Variants in RPL23A observed in about 807,000 individuals in gnomAD.
RPL23A encodes large ribosomal subunit protein uL23.
A neutral mutation model predicts 17.6 loss-of-function variants in RPL23A; 2 were observed. That is an observed-to-expected ratio of 0.11 (90% CI 0.05 to 0.36). The LOEUF is 0.36. Among genes scored for constraint, RPL23A ranks in the 10% least tolerant of loss-of-function variants. The pLI is 1.00. For synonymous variants in RPL23A, 65 were observed against 74.3 expected, an observed-to-expected ratio of 0.87 and a Z score of 0.65; for missense variants, 132 against 194.4, an observed-to-expected ratio of 0.68 and a Z score of 1.91.
chr17:28,722,506 G>T (rs2151724821), intron 2 of RPL23A: 1 of 702,604 alleles, frequency 1.4e-6, no homozygotes, highest in Non-Finnish European at 2.7e-6. Context: ...ACTTGAGGTT[G>T]TAAGAGCCCT....
rs1434122227 is a variant in RPL23A at position 28,722,789 on chromosome 17, C to T, written c.276C>T (p.Asp92=). Residue 92 remains aspartate, a synonymous_variant, in exon 3 of 5, where the codon GAC becomes GAT. Coordinates refer to ENST00000422514, the MANE Select transcript of RPL23A (RefSeq NM_000984.6). ...AGTCTGCCATGAAGAAGATAGAAGA[C>T]AACAACACACTTGTGTTCATTGTGG... ...TTESAMKKIE[D]NNTLVFIVDV... is the part of the protein sequence containing the mutation. 6.2e-7 allele frequency: 1 copy of T among 1,612,934 alleles called. No individual in the cohort carries two copies. The highest frequency in any genetic ancestry group is 1.3e-5 in the African/African-American group (1 of 74,876).
At chr17:28,720,404 C>G (rs553328747) in intron 1 of RPL23A, 2 of 1,592,782 alleles carry the variant, frequency 1.3e-6, no homozygotes, top group African/African-American at 1.3e-5. Flanking sequence ...ACCCGCCCCT[C>G]TCTCCGCAGC....
At chr17:28,723,069 T>G (rs541990324) in intron 3 of RPL23A, among the ~76,000 whole-genome samples, 170 bp downstream of exon 3, 3 of 150,676 alleles carry the variant, frequency 2.0e-5, no homozygotes, top group East Asian at 1.9e-4. Flanking sequence ...CACCCATGAT[T>G]GCCCCATTGT....
intron 3 of RPL23A, among the ~76,000 whole-genome samples, chr17:28,723,103 A>G (rs1183323460): frequency 6.7e-6 from 1 of 149,342 alleles, no homozygotes; most frequent in Non-Finnish European, 1.5e-5. Context: ...CAACCAAGCA[A>G]GGCCCTTTTT....
intron 1 of RPL23A, chr17:28,720,247 C>CATCATCCGCCAGGG (rs2034087086): frequency 6.5e-7 from 1 of 1,540,786 alleles, no homozygotes; most frequent in Admixed American, 2.0e-5. Flanking sequence ...ACGCGGCAGG[C>CATCATCCGCCAGGG]ATCATCCGCC....
Position 28,720,176 on chromosome 17 carries a change from G to A in RPL23A, c.25+146G>A, listed in dbSNP as rs142109717. 3.3e-5 allele frequency: 51 copies of A among 1,524,682 alleles called. No homozygotes were observed. The East Asian group carries it at 1.3e-3, about 38-fold the overall frequency. The allele number at this position is 1,524,682 out of a possible 1,614,324, so 94.4% of individuals were successfully genotyped here. A position where few individuals can be genotyped will look rare whatever the true frequency, so the allele number is the denominator to read the frequency against. On this transcript the variant is annotated intron_variant, in intron 1 of 4. Coordinates refer to ENST00000422514, the MANE Select transcript of RPL23A (RefSeq NM_000984.6). Reference sequence around the variant, plus strand: ...GCGTTTCGGACACGCTGCAGTATACGTGGGCCGCGTGGGCCCAGCCTCGTG... The same window carrying A: ...GCGTTTCGGACACGCTGCAGTATACATGGGCCGCGTGGGCCCAGCCTCGTG...
rs573745975 is a variant in RPL23A at position 28,720,331 on chromosome 17, A to G, written c.25+301A>G. ...TGGAGCTCCATGTCCCCGGGCCTGT[A>G]AGGAATTAGTGCCCTCAGCTTTAAC... is the stretch of plus-strand genomic sequence containing the variant. On this transcript the variant is annotated intron_variant, in intron 1 of 4. Coordinates refer to ENST00000422514, the MANE Select transcript of RPL23A (RefSeq NM_000984.6). 2.2e-5 allele frequency: 34 copies of G among 1,551,090 alleles called. No homozygotes were observed. The East Asian group carries it at 7.1e-4, about 32-fold the overall frequency.
intron 1 of RPL23A, 178 bp downstream of exon 1, chr17:28,720,208 G>A: frequency 1.3e-6 from 2 of 1,536,482 alleles, no homozygotes; most frequent in Non-Finnish European, 1.8e-6. Context: ...CGTGGGCTGA[G>A]TTCCGGTAGA....
chr17:28,721,485 A>G (rs940698078), intron 2 of RPL23A: 1 of 153,584 alleles, frequency 6.5e-6, no homozygotes, highest in Non-Finnish European at 1.4e-5. Flanking sequence ...CATAGCTCCT[A>G]CTGCTATCGG....
At position 28,724,261 on chromosome 17, in the gene RPL23A, G is replaced by A. The variant is rs997877041; in HGVS notation, c.*380G>A. On this transcript the variant is annotated 3_prime_UTR_variant, in exon 5 of 5. Transcript: ENST00000422514. ...GGGAGTGTGGATTGGCTGGCTCTCTGGTAGCATTTTGTCCTCACACACCCA... is the reference window on the plus strand; with the variant it reads ...GGGAGTGTGGATTGGCTGGCTCTCTAGTAGCATTTTGTCCTCACACACCCA... 54 of 561,838 alleles carry A rather than the reference G, an allele frequency of 9.6e-5. No homozygotes were observed. Among genetic ancestry groups the A allele is most frequent in the Non-Finnish European group, 1.6e-4 (51 of 318,054 alleles). The allele number at this position is 561,838 out of a possible 1,614,324, so 34.8% of individuals were successfully genotyped here. A position where few individuals can be genotyped will look rare whatever the true frequency, so the allele number is the denominator to read the frequency against.
At position 28,724,151 on chromosome 17, in the gene RPL23A, C is replaced by T. The variant is rs1048286822; in HGVS notation, c.*270C>T. 1 of 507,676 alleles carries T rather than the reference C, an allele frequency of 2.0e-6. No homozygotes were observed. The highest frequency in any genetic ancestry group is 1.9e-5 in the African/African-American group (1 of 52,232). 31.4% of individuals were successfully genotyped at this position (507,676 alleles called of 1,614,324 possible). Reference sequence around the variant, plus strand: ...CTTGCCTCCATGGTTGAGTAACAAGCTGTACAAGAACCCCTTTTATCCCTG... The same window carrying T: ...CTTGCCTCCATGGTTGAGTAACAAGTTGTACAAGAACCCCTTTTATCCCTG... On this transcript the variant is annotated 3_prime_UTR_variant, in exon 5 of 5. Coordinates refer to ENST00000422514, the MANE Select transcript of RPL23A (RefSeq NM_000984.6).
Position 28,724,202 on chromosome 17 carries a change from C to A in RPL23A, c.*321C>A. ...GAAGAGGCTGTGTATGAAACCAATG[C>A]CCAGGGTTTGAAGGGTGTTAGCATC... On this transcript the variant is annotated 3_prime_UTR_variant, in exon 5 of 5. Transcript: ENST00000422514. 2.0e-6 allele frequency: 1 copy of A among 503,238 alleles called. No individual in the cohort carries two copies. Among genetic ancestry groups the A allele is most frequent in the Non-Finnish European group, 3.5e-6 (1 of 286,292 alleles). The allele number at this position is 503,238 out of a possible 1,614,324, so 31.2% of individuals were successfully genotyped here.
At chr17:28,723,016 G>A (rs749079032) in intron 3 of RPL23A, 117 bp downstream of exon 3, 137 of 747,680 alleles carry the variant, frequency 1.8e-4, no homozygotes, top group Middle Eastern at 1.2e-3. Context: ...AGGACTACAC[G>A]TGTAGTCCGA....
intron 3 of RPL23A, 131 bp from the exon 4 acceptor site, chr17:28,723,440 G>A (rs773400680): frequency 2.1e-5 from 17 of 807,244 alleles, no homozygotes; most frequent in Non-Finnish European, 3.1e-5. Flanking sequence ...GGCTAATGAT[G>A]GAAAAATCAT....
intron 1 of RPL23A, 166 bp downstream of exon 1, chr17:28,720,196 C>T (rs977386913): frequency 9.8e-6 from 15 of 1,533,134 alleles, no homozygotes; most frequent in Non-Finnish European, 1.3e-5. Context: ...TGGGCCCAGC[C>T]TCGTGGGCTG....
intron 3 of RPL23A, chr17:28,723,346 G>T: frequency 1.4e-6 from 1 of 738,856 alleles, no homozygotes; most frequent in South Asian, 1.4e-5. Context: ...GCGACACGTG[G>T]CAGATTACCT....
intron 2 of RPL23A, 61 bp from the exon 3 acceptor site, chr17:28,722,662 C>T (rs753119061): frequency 7.0e-6 from 10 of 1,422,734 alleles, no homozygotes; most frequent in Non-Finnish European, 9.9e-6. Flanking sequence ...CCTAGGCTCT[C>T]CTGGCTCTGG....
intron 1 of RPL23A, 73 bp downstream of exon 1, chr17:28,720,103 A>C: frequency 6.5e-7 from 1 of 1,541,510 alleles, no homozygotes; most frequent in South Asian, 1.2e-5. Flanking sequence ...AATTGGGAAC[A>C]CGGCTGCTGG....
At chr17:28,722,581 G>C (rs779313881) in intron 2 of RPL23A, 142 bp from the exon 3 acceptor site, 8 of 793,690 alleles carry the variant, frequency 1.0e-5, no homozygotes, top group Non-Finnish European at 1.6e-5. Context: ...TTAGATTTCA[G>C]GGTGCAGATG....
Sources: gnomAD v4.1 joint callset for allele counts (sites outside exome capture counted in the v4.1 genomes callset) on GRCh38, gnomAD v4.1.1 for gene constraint, MANE v1.5 for transcripts, NCBI Gene and HGNC (gene_info 2026-07-23, HGNC 2026-07-21) for gene names.